The following NDUFA8 variants were observed in gnomAD, a reference collection of about 807,000 sequenced individuals.
NDUFA8 encodes NADH dehydrogenase [ubiquinone] 1 alpha subcomplex subunit 8.
NDUFA8 carries 16 observed loss-of-function variants against 20.9 expected under a neutral mutation model. The observed-to-expected ratio is 0.77, with a 90% CI of 0.52 to 1.16. The LOEUF (loss-of-function observed/expected upper bound fraction) is 1.16, where lower values mean the gene tolerates loss of function less well. Ranked by LOEUF, NDUFA8 falls within the 50% of genes most tolerant of loss-of-function variation. The pLI, the probability that NDUFA8 is intolerant of heterozygous loss-of-function variation, is 0.00. For synonymous variants in NDUFA8, 70 were observed against 76.1 expected (o/e 0.92, Z 0.41); for missense variants, 202 against 216.4 (o/e 0.93, Z 0.42).
Position 122,159,627 on chromosome 9 carries a change from C to T in NDUFA8, c.51G>A (p.Glu17=). ...LPTLEELKVD[E]VKISSAVLKA... ...TTGCCTGTCCTCCGGATAGCCTCAC[C>T]TCATCTACTTTCAGCTCCTCTAGAG... The change falls in exon 1 of 4, where the codon GAG becomes GAA. Residue 17 remains glutamate (E), a splice_region_variant and synonymous_variant. Transcript: ENST00000373768. The T allele has an allele frequency of 6.2e-7, 1 of 1,614,144 alleles. No individual in the cohort carries two copies. Among genetic ancestry groups the T allele is most frequent in the Non-Finnish European group, 8.5e-7 (1 of 1,180,000 alleles).
chr9:122,138,866 G>GGGGA, the NDUFA8 span, among the ~76,000 whole-genome samples: 5 of 19,168 alleles, frequency 2.6e-4, no homozygotes, highest in African/African-American at 6.0e-4. Context: ...AAGAAGAGGT[G>GGGGA]GGGGGGGGGC....
At position 122,145,566 on chromosome 9, in the gene NDUFA8, C is replaced by G. The variant is rs568510354; in HGVS notation, c.382-1188G>C. Among the ~76,000 whole-genome samples the G allele has an allele frequency of 3.5e-4, 54 of 152,318 alleles. No individual in the cohort carries two copies. The South Asian group carries it at 0.011, about 31-fold the overall frequency. On this transcript the variant is annotated intron_variant, in intron 3 of 3. Transcript: ENST00000373768. ...TTCCTAGATGTATAAATTCAGAAAC[C>G]TTTTATTGGGAACAGAGCTTTTGTG...
chr9:122,142,044 T>C (rs1261579629), downstream of NDUFA8, among the ~76,000 whole-genome samples: 1 of 152,214 alleles, frequency 6.6e-6, no homozygotes, highest in African/African-American at 2.4e-5. Flanking sequence ...TGAACAGTGC[T>C]AGAAGTTGCA....
intron 1 of NDUFA8, among the ~76,000 whole-genome samples, chr9:122,158,311 C>A (rs907906641): frequency 6.6e-6 from 1 of 152,136 alleles, no homozygotes; most frequent in Admixed American, 6.5e-5. Context: ...ACTCTTCCCA[C>A]CACCTCCCTT....
intron 1 of NDUFA8, among the ~76,000 whole-genome samples, chr9:122,153,504 C>T (rs951677215): frequency 2.0e-5 from 3 of 151,966 alleles, no homozygotes; most frequent in African/African-American, 7.3e-5. Context: ...ACTATGCCCA[C>T]CAGTTTTGCT....
intron 1 of NDUFA8, among the ~76,000 whole-genome samples, chr9:122,158,914 A>G (rs1829127278): frequency 6.6e-6 from 1 of 151,990 alleles, no homozygotes; most frequent in Admixed American, 6.6e-5. Flanking sequence ...GGACTTGATC[A>G]TGTTAGCTAT....
chr9:122,144,274 T>C lies in NDUFA8; in HGVS notation c.486A>G (p.Thr162=). The C allele has an allele frequency of 6.2e-7, 1 of 1,614,084 alleles. No individual in the cohort carries two copies. Among genetic ancestry groups the C allele is most frequent in the Non-Finnish European group, 8.5e-7 (1 of 1,179,980 alleles). ...TCCAGAAATAAAAGCGGCTGCCATGTGTGGCAGGCTGCAGATCTCCCTCGA... is the reference window on the plus strand; with the variant it reads ...TCCAGAAATAAAAGCGGCTGCCATGCGTGGCAGGCTGCAGATCTCCCTCGA... The part of the protein sequence containing the change: ...PEIEGDLQPA[T]HGSRFYFWTK The change falls in exon 4 of 4, where the codon ACA becomes ACG. Residue 162 remains threonine (T), a synonymous_variant. Transcript: ENST00000373768.
chr9:122,147,971 TCACTGCC>T, intron 3 of NDUFA8, 134 bp downstream of exon 3: 1 of 1,073,326 alleles, frequency 9.3e-7, no homozygotes, highest in Non-Finnish European at 1.4e-6. Flanking sequence ...TTGTGTATAA[TCACTGCC>T]TAATTAATAT....
the NDUFA8 span, among the ~76,000 whole-genome samples, chr9:122,135,737 G>A: frequency 6.6e-6 from 1 of 152,116 alleles, no homozygotes; most frequent in Non-Finnish European, 1.5e-5. Flanking sequence ...CCACAGGCAC[G>A]TGCTACCATG....
At chr9:122,150,834 T>C (rs1828983607) in intron 2 of NDUFA8, among the ~76,000 whole-genome samples, 1 of 151,782 alleles carries the variant, frequency 6.6e-6, no homozygotes, top group African/African-American at 2.4e-5. Context: ...TAGCCAGGCA[T>C]AGTGGCGCAG....
At chr9:122,142,592 C>T (rs1015654518), downstream of NDUFA8, among the ~76,000 whole-genome samples, 5 of 152,156 alleles carry the variant, frequency 3.3e-5, no homozygotes, top group African/African-American at 1.2e-4. Flanking sequence ...CTGTATCTAC[C>T]ACTTCTTATA....
At chr9:122,138,042 G>A in the NDUFA8 span, among the ~76,000 whole-genome samples, 1 of 152,218 alleles carries the variant, frequency 6.6e-6, no homozygotes, top group Admixed American at 6.5e-5. Flanking sequence ...AGCAGCCCAA[G>A]GGTGCTGTGT....
downstream of NDUFA8, chr9:122,143,947 G>C: frequency 1.4e-6 from 1 of 692,496 alleles, no homozygotes; most frequent in Non-Finnish European, 2.1e-6. Flanking sequence ...CCACATGAGC[G>C]AGTGCCTAAA....
At chr9:122,136,066 G>A in the NDUFA8 span, among the ~76,000 whole-genome samples, 8 of 152,166 alleles carry the variant, frequency 5.3e-5, no homozygotes, top group South Asian at 2.1e-4. Context: ...AGTCACTTTC[G>A]TCCTTTTCAC....
At chr9:122,153,491 T>C (rs1399590541) in intron 1 of NDUFA8, among the ~76,000 whole-genome samples, 1 of 152,052 alleles carries the variant, frequency 6.6e-6, no homozygotes, top group East Asian at 1.9e-4. Context: ...TGCCACCCCT[T>C]TAACTATGCC....
chr9:122,150,971 C>CAAAAAA (rs71508152), intron 2 of NDUFA8, among the ~76,000 whole-genome samples: 12 of 50,408 alleles, frequency 2.4e-4, no homozygotes, highest in Admixed American at 6.1e-4. Flanking sequence ...GACTCCGTCT[C>CAAAAAA]AAAAAAAAAA....
chr9:122,149,430 G>A (rs530299517), intron 2 of NDUFA8, among the ~76,000 whole-genome samples: 3 of 152,272 alleles, frequency 2.0e-5, no homozygotes, highest in Non-Finnish European at 4.4e-5. Flanking sequence ...CCTCCAAAAT[G>A]CAGCAGCAGC....
chr9:122,144,329 G>A lies in NDUFA8; in HGVS notation c.431C>T (p.Ser144Leu), dbSNP rs774957173. ...AGGGCTGGGATCCGGTCTTGGTCTT[G>A]AGTGATAGGGATTCTCCGGTAAAGG... is the stretch of plus-strand genomic sequence containing the variant. ...DRPLPENPYH[S>L]RPRPDPSPEI... The change falls in exon 4 of 4, where the codon TCA becomes TTA. Residue 144 changes from serine to leucine, a missense_variant. Physicochemically the swap from Ser to Leu is moderately radical, Grantham distance 145. Transcript: ENST00000373768. 16 of 1,614,054 alleles carry A rather than the reference G, an allele frequency of 9.9e-6. No individual in the cohort carries two copies. Among genetic ancestry groups the A allele is most frequent in the Non-Finnish European group, 1.4e-5 (16 of 1,180,030 alleles).
the NDUFA8 span, among the ~76,000 whole-genome samples, chr9:122,138,289 CA>C: frequency 6.6e-6 from 1 of 152,160 alleles, no homozygotes; most frequent in African/African-American, 2.4e-5. Flanking sequence ...ATATTTCTTG[CA>C]TGCAATTTAT....
Sources: gnomAD v4.1 joint callset for allele counts (sites outside exome capture counted in the v4.1 genomes callset) on GRCh38, gnomAD v4.1.1 for gene constraint, MANE v1.5 for transcripts, NCBI Gene and HGNC (gene_info 2026-07-23, HGNC 2026-07-21) for gene names.